GALNT10: variants seen among roughly 807,000 people sequenced by gnomAD.
The protein encoded by GALNT10 is GalNAc transferase 10.
In GALNT10, 41 loss-of-function variants were observed where a neutral mutation model predicts 75.0. The observed-to-expected ratio is 0.55, with a 90% CI of 0.43 to 0.71. The LOEUF (loss-of-function observed/expected upper bound fraction) is 0.71, where lower values mean the gene tolerates loss of function less well. Ranked by LOEUF, GALNT10 falls within the 30% of genes least tolerant of loss-of-function variation. GALNT10 has a pLI of 0.00. For synonymous variants in GALNT10, 302 were observed against 313.0 expected (o/e 0.96, Z 0.37); for missense variants, 727 against 818.5 (o/e 0.89, Z 1.36).
intron 1 of GALNT10, among the ~76,000 whole-genome samples, chr5:154,209,013 G>A (rs1319433037): frequency 6.6e-6 from 1 of 152,216 alleles, no homozygotes; most frequent in Non-Finnish European, 1.5e-5. Context: ...GCCTGCTAGG[G>A]TGCTGGAGGA....
chr5:154,406,917 T>G (rs1006533573), intron 8 of GALNT10, among the ~76,000 whole-genome samples: 1 of 151,972 alleles, frequency 6.6e-6, no homozygotes, highest in Non-Finnish European at 1.5e-5. Context: ...GAGAGCCAGA[T>G]AGAGAGAGAA....
chr5:154,263,835 A>C (rs1301755590), intron 1 of GALNT10, among the ~76,000 whole-genome samples: 1 of 152,190 alleles, frequency 6.6e-6, no homozygotes, highest in Non-Finnish European at 1.5e-5. Context: ...CAACATATGA[A>C]TTCCAGAGGG....
intron 1 of GALNT10, among the ~76,000 whole-genome samples, chr5:154,275,068 CCTT>C (rs1408135196): frequency 6.6e-6 from 1 of 152,240 alleles, no homozygotes; most frequent in Non-Finnish European, 1.5e-5. Context: ...TGAGTGTACT[CCTT>C]CACCTCTCTG....
chr5:154,371,166 C>T (rs1174042733), intron 4 of GALNT10, among the ~76,000 whole-genome samples: 2 of 152,180 alleles, frequency 1.3e-5, no homozygotes, highest in African/African-American at 4.8e-5. Context: ...CTCATAGACT[C>T]ACTACTCCAG....
chr5:154,382,199 G>C (rs1755744377), intron 6 of GALNT10, among the ~76,000 whole-genome samples: 1 of 152,232 alleles, frequency 6.6e-6, no homozygotes, highest in Admixed American at 6.5e-5. Context: ...CCCAGGGCAG[G>C]CTCAGAGGTA....
At chr5:154,299,681 T>C (rs1302315120) in intron 3 of GALNT10, among the ~76,000 whole-genome samples, 2 of 152,222 alleles carry the variant, frequency 1.3e-5, no homozygotes, top group Non-Finnish European at 2.9e-5. Context: ...CATGATCATC[T>C]CTACTTTGTA....
rs148728110 is a variant in GALNT10, at chr5:154,403,708, G to A, written c.1057-396G>A. ...ACACAGCACTCCATAGTGGATTAGA[G>A]CTCAGATTCTGAAGTCAGCTAAAAC... On this transcript the variant is annotated intron_variant, in intron 7 of 11. Coordinates refer to ENST00000297107, the MANE Select transcript of GALNT10 (RefSeq NM_198321.4). The A allele has an allele frequency of 6.4e-5, 19 of 295,866 alleles. No individual in the cohort carries two copies. The East Asian group carries it at 2.1e-3, about 33-fold the overall frequency. The allele number at this position is 295,866 out of a possible 1,614,324, so 18.3% of individuals were successfully genotyped here.
chr5:154,208,480 TTC>T (rs34856430), intron 1 of GALNT10, among the ~76,000 whole-genome samples: 1 of 152,192 alleles, frequency 6.6e-6, no homozygotes, highest in Non-Finnish European at 1.5e-5. Context: ...ATCTTTTATT[TTC>T]TCTCTCTCAT....
chr5:154,308,877 T>C (rs186007061), intron 3 of GALNT10, among the ~76,000 whole-genome samples: 32 of 152,364 alleles, frequency 2.1e-4, no homozygotes, highest in African/African-American at 7.2e-4. Flanking sequence ...GTCTATTTTG[T>C]GTGCTTACTG....
At position 154,404,178 on chromosome 5, in the gene GALNT10, C is replaced by T. The variant is rs1201467180; in HGVS notation, c.1131C>T (p.Pro377=). The stretch of plus-strand genomic sequence containing the variant: ...GCCATATCTACAGGAAGTATGTGCC[C>T]TACAAGGTCCCGGCCGGAGTCAGCC... ...RVGHIYRKYV[P]YKVPAGVSLA... Residue 377 remains proline, a synonymous_variant, in exon 8 of 12, where the codon CCC becomes CCT. Transcript: ENST00000297107. 2.5e-6 allele frequency: 4 copies of T among 1,609,836 alleles called. No homozygotes were observed. In the African/African-American group the frequency reaches 5.3e-5, roughly 21 times the overall value.
chr5:154,307,392 G>A (rs112361510), intron 3 of GALNT10, among the ~76,000 whole-genome samples: 5,455 of 152,212 alleles, frequency 0.036, 128 homozygotes, highest in Middle Eastern at 0.078. Flanking sequence ...AGGCCGAGGT[G>A]GGCAGATCAC....
chr5:154,402,159 T>C lies in GALNT10; in HGVS notation c.1057-1945T>C, dbSNP rs764903261. Among the ~76,000 whole-genome samples the C allele has an allele frequency of 3.9e-5, 6 of 152,248 alleles. No individual in the cohort carries two copies. The highest frequency in any genetic ancestry group is 7.3e-5 in the Non-Finnish European group (5 of 68,050). On this transcript the variant is annotated intron_variant, in intron 7 of 11. Coordinates refer to ENST00000297107, the MANE Select transcript of GALNT10 (RefSeq NM_198321.4). The surrounding 1 kb of genome is among the most constrained non-coding windows in gnomAD (Gnocchi z 4.2). Reference sequence around the variant, plus strand: ...TGTGTCTCCCTCACTGAAGACCTTCTGTGAAGACTCCTTGTTCTGCCCCGT... The same window carrying C: ...TGTGTCTCCCTCACTGAAGACCTTCCGTGAAGACTCCTTGTTCTGCCCCGT...
chr5:154,412,548 T>G lies in GALNT10; in HGVS notation c.1387-341T>G. The G allele has an allele frequency of 1.1e-5, 3 of 274,570 alleles. No homozygotes were observed. The highest frequency in any genetic ancestry group is 1.4e-5 in the Non-Finnish European group (2 of 141,514). 17.0% of individuals were successfully genotyped at this position (274,570 alleles called of 1,614,324 possible). A position where few individuals can be genotyped will look rare whatever the true frequency, so the allele number is the denominator to read the frequency against. On this transcript the variant is annotated intron_variant, in intron 9 of 11. Transcript: ENST00000297107. This position sits in a 1 kb window ranked among gnomAD's most constrained non-coding sequence, Gnocchi z 4.2. Reference sequence around the variant, plus strand: ...GCACCTGAGTCACCTGGAATGGGGGTAAAATCTGGTTCCTGGACCTGTCGG... The same window carrying G: ...GCACCTGAGTCACCTGGAATGGGGGGAAAATCTGGTTCCTGGACCTGTCGG...
Position 154,347,906 on chromosome 5 carries a change from T to C in GALNT10, c.568+18168T>C, listed in dbSNP as rs551867869. Among the ~76,000 whole-genome samples the C allele has an allele frequency of 9.0e-4, 137 of 152,342 alleles. No homozygotes were observed. The South Asian group carries it at 0.011, about 12-fold the overall frequency. Reference sequence around the variant, plus strand: ...ATTTTCTTTCCCTTCAACCTTCATGTCACTGGAAAATTTTAAATTTAAATA... The same window carrying C: ...ATTTTCTTTCCCTTCAACCTTCATGCCACTGGAAAATTTTAAATTTAAATA... On this transcript the variant is annotated intron_variant, in intron 4 of 11. Coordinates refer to ENST00000297107, the MANE Select transcript of GALNT10 (RefSeq NM_198321.4).
intron 3 of GALNT10, among the ~76,000 whole-genome samples, chr5:154,328,625 C>G (rs1289567624): frequency 6.6e-6 from 1 of 152,166 alleles, no homozygotes; most frequent in Admixed American, 6.5e-5. Flanking sequence ...GAGTTAGAGT[C>G]AGATCCCACA....
intron 3 of GALNT10, among the ~76,000 whole-genome samples, chr5:154,328,729 T>A (rs984237575): frequency 3.3e-5 from 5 of 152,220 alleles, no homozygotes; most frequent in African/African-American, 1.2e-4. Flanking sequence ...ACCAGCCGGC[T>A]GTAAATTGGT....
Position 154,191,019 on chromosome 5 carries a change from G to T in GALNT10, c.153G>T (p.Ala51=). The part of the protein sequence containing the change: ...GGSGAAVAPA[A]GQGSHSRQKK... ...CGGGGGCGGCGGTGGCGCCGGCGGC[G>T]GGACAGGTGAGTCCCCCCGTTGCTA... Residue 51 remains alanine, a synonymous_variant, in exon 1 of 12, where the codon GCG becomes GCT. Coordinates refer to ENST00000297107, the MANE Select transcript of GALNT10 (RefSeq NM_198321.4). 6.9e-7 allele frequency: 1 copy of T among 1,444,022 alleles called. No individual in the cohort carries two copies. The highest frequency in any genetic ancestry group is 9.2e-7 in the Non-Finnish European group (1 of 1,092,046). The allele number at this position is 1,444,022 out of a possible 1,614,324, so 89.5% of individuals were successfully genotyped here.
Position 154,264,515 on chromosome 5 carries a change from A to T in GALNT10, c.160-30301A>T, listed in dbSNP as rs187435480. 2.1e-3 allele frequency among the ~76,000 whole-genome samples: 327 copies of T among 152,276 alleles called. 2 individuals carry two copies. In the South Asian group the frequency reaches 0.029, roughly 14 times the overall value. Reference sequence around the variant, plus strand: ...TTACTTCCATGTGACTCAGAAAAAAAATGTATATAATGTATATATAGGCAG... The same window carrying T: ...TTACTTCCATGTGACTCAGAAAAAATATGTATATAATGTATATATAGGCAG... On this transcript the variant is annotated intron_variant, in intron 1 of 11. Coordinates refer to ENST00000297107, the MANE Select transcript of GALNT10 (RefSeq NM_198321.4).
At chr5:154,207,724 A>G (rs534045865) in intron 1 of GALNT10, among the ~76,000 whole-genome samples, 1 of 152,292 alleles carries the variant, frequency 6.6e-6, no homozygotes, top group East Asian at 1.9e-4. Context: ...TAGAGGAGAT[A>G]GCACAGTCAA....
Sources: gnomAD v4.1 joint callset for allele counts (sites outside exome capture counted in the v4.1 genomes callset) on GRCh38, gnomAD v4.1.1 for gene constraint, Gnocchi (gnomAD v3.1) non-coding constraint, MANE v1.5 for transcripts, NCBI Gene and HGNC (gene_info 2026-07-23, HGNC 2026-07-21) for gene names.